CDH12: variants seen among roughly 807,000 people sequenced by gnomAD.
CDH12 encodes the protein cadherin 12.
CDH12 carries 41 observed loss-of-function variants against 74.1 expected under a neutral mutation model. That is an observed-to-expected ratio of 0.55 (90% CI 0.43 to 0.72). The LOEUF (loss-of-function observed/expected upper bound fraction) is 0.72, where lower values mean the gene tolerates loss of function less well. Ranked by LOEUF, CDH12 falls within the 30% of genes least tolerant of loss-of-function variation. The pLI is 0.00. For missense variants in CDH12, 945 were observed against 977.2 expected (o/e 0.97, Z 0.44); for synonymous variants, 399 against 355.0 (o/e 1.12, Z -1.39).
At chr5:22,807,293 G>A (rs145484602) in intron 1 of CDH12, among the ~76,000 whole-genome samples, 101 of 152,196 alleles carry the variant, frequency 6.6e-4, no homozygotes, top group African/African-American at 2.2e-3. Context: ...ATGATAGATG[G>A]CATTTATATA....
At chr5:21,883,788 G>A in intron 6 of CDH12, 1 of 1,572,946 alleles carries the variant, frequency 6.4e-7, no homozygotes, top group South Asian at 1.1e-5. Context: ...ACTTTCAGAT[G>A]GAGTAGTTGT....
In CDH12 at chr5:22,077,688, G is replaced by A. The variant is rs933943761; in HGVS notation, c.231+758C>T. 4.0e-5 allele frequency among the ~76,000 whole-genome samples: 6 copies of A among 151,774 alleles called. No individual in the cohort carries two copies. The East Asian group carries it at 1.2e-3, about 29-fold the overall frequency. On this transcript the variant is annotated intron_variant, in intron 5 of 14. Coordinates refer to ENST00000382254, the MANE Select transcript of CDH12 (RefSeq NM_004061.5). Reference sequence around the variant, plus strand: ...AAGTTATACTGTTCTAGACATGGGTGAAAACAATTTAATGGAAAAAAAAGC... The same window carrying A: ...AAGTTATACTGTTCTAGACATGGGTAAAAACAATTTAATGGAAAAAAAAGC...
chr5:22,473,014 C>T (rs1269095161), intron 2 of CDH12, among the ~76,000 whole-genome samples: 5 of 152,150 alleles, frequency 3.3e-5, no homozygotes, highest in Non-Finnish European at 5.9e-5. Flanking sequence ...TAGAATTCTT[C>T]ATCCTCAGCT....
At chr5:21,835,876 G>C (rs1479567809) in intron 8 of CDH12, among the ~76,000 whole-genome samples, 1 of 151,740 alleles carries the variant, frequency 6.6e-6, no homozygotes, top group African/African-American at 2.4e-5. Flanking sequence ...TAAATGTATA[G>C]TTATTGGCAT....
At chr5:22,511,046 C>T (rs552488391) in intron 1 of CDH12, among the ~76,000 whole-genome samples, 1 of 152,074 alleles carries the variant, frequency 6.6e-6, no homozygotes, top group African/African-American at 2.4e-5. Context: ...AGACACCCAC[C>T]ACCATGCTCA....
chr5:22,159,292 A>G (rs369968454), intron 4 of CDH12, among the ~76,000 whole-genome samples: 59 of 152,178 alleles, frequency 3.9e-4, no homozygotes, highest in Admixed American at 1.0e-3. Flanking sequence ...CTGGTTTAAT[A>G]TGGTGACTTC....
At chr5:22,171,384 A>G (rs1749020392) in intron 4 of CDH12, among the ~76,000 whole-genome samples, 1 of 151,952 alleles carries the variant, frequency 6.6e-6, no homozygotes, top group South Asian at 2.1e-4. Context: ...TAGATGTAAT[A>G]CCAGTGACTG....
intron 1 of CDH12, among the ~76,000 whole-genome samples, chr5:22,529,968 T>G (rs1222523023): frequency 6.6e-6 from 1 of 152,098 alleles, no homozygotes; most frequent in Non-Finnish European, 1.5e-5. Context: ...CTGAGATACC[T>G]CAACAGCAAA....
intron 6 of CDH12, among the ~76,000 whole-genome samples, chr5:21,887,610 C>T (rs1036247635): frequency 1.3e-5 from 2 of 152,168 alleles, no homozygotes; most frequent in African/African-American, 2.4e-5. Flanking sequence ...TGCACTTACA[C>T]TTCTTCCAAT....
intron 1 of CDH12, among the ~76,000 whole-genome samples, chr5:22,725,681 A>C (rs1188288997): frequency 6.6e-6 from 1 of 151,508 alleles, no homozygotes; most frequent in African/African-American, 2.4e-5. Flanking sequence ...CCTACCTCCT[A>C]ATACTGCCAC....
At chr5:22,104,382 A>G (rs900844431) in intron 4 of CDH12, among the ~76,000 whole-genome samples, 5 of 152,160 alleles carry the variant, frequency 3.3e-5, no homozygotes, top group African/African-American at 1.2e-4. Flanking sequence ...GTCTTTGTGA[A>G]GTATGTATTT....
chr5:21,786,114 A>G (rs1746184400), intron 10 of CDH12, among the ~76,000 whole-genome samples: 1 of 152,154 alleles, frequency 6.6e-6, no homozygotes, highest in South Asian at 2.1e-4. Context: ...CAAATGGAAC[A>G]ACAAAGCCTG....
intron 1 of CDH12, among the ~76,000 whole-genome samples, chr5:22,520,286 T>C (rs1370691346): frequency 1.3e-5 from 2 of 152,160 alleles, no homozygotes; most frequent in Admixed American, 6.5e-5. Flanking sequence ...ATGTATATGA[T>C]GGAAGCTTGA....
chr5:21,950,697 GTAAAA>G (rs1755810805), intron 6 of CDH12, among the ~76,000 whole-genome samples: 1 of 150,032 alleles, frequency 6.7e-6, no homozygotes, highest in Non-Finnish European at 1.5e-5. Context: ...GAGAGAAACA[GTAAAA>G]TAATTTAAAA....
At chr5:22,819,365 A>T (rs187444859) in intron 1 of CDH12, among the ~76,000 whole-genome samples, 186 of 151,530 alleles carry the variant, frequency 1.2e-3, no homozygotes, top group African/African-American at 4.1e-3. Context: ...TTAAAAATTT[A>T]AAAAAAAAGG....
At chr5:22,826,020 A>G (rs1736307212) in intron 1 of CDH12, among the ~76,000 whole-genome samples, 1 of 152,150 alleles carries the variant, frequency 6.6e-6, no homozygotes, top group South Asian at 2.1e-4. Context: ...TCTCATTTCC[A>G]TTGGCCAGTG....
chr5:21,915,070 G>A (rs1357272367), intron 6 of CDH12, among the ~76,000 whole-genome samples: 2 of 152,164 alleles, frequency 1.3e-5, no homozygotes, highest in Non-Finnish European at 2.9e-5. Context: ...GGTTAATTCA[G>A]CCTGGGAAGG....
At chr5:22,744,473 G>A (rs751108651) in intron 1 of CDH12, among the ~76,000 whole-genome samples, 9 of 151,798 alleles carry the variant, frequency 5.9e-5, no homozygotes, top group Non-Finnish European at 1.2e-4. Flanking sequence ...CATACAATGC[G>A]TAAATGTGAA....
chr5:22,631,308 T>G (rs879528646), intron 1 of CDH12, among the ~76,000 whole-genome samples: 7 of 152,140 alleles, frequency 4.6e-5, no homozygotes, highest in Non-Finnish European at 8.8e-5. Context: ...GGAAGATAAA[T>G]AATTCTGTCA....
Sources: gnomAD v4.1 joint callset for allele counts (sites outside exome capture counted in the v4.1 genomes callset) on GRCh38, gnomAD v4.1.1 for gene constraint, MANE v1.5 for transcripts, NCBI Gene and HGNC (gene_info 2026-07-23, HGNC 2026-07-21) for gene names.